The following CYP4F11 variants were observed in gnomAD, a reference collection of about 807,000 sequenced individuals.
The protein encoded by CYP4F11 is cytochrome P450 family 4 subfamily F member 11, also known as cytochrome P450 4F11.
A neutral mutation model predicts 62.2 loss-of-function variants in CYP4F11; 79 were observed. That is an observed-to-expected ratio of 1.27 (90% confidence interval 1.06 to 1.53). The LOEUF is 1.53. CYP4F11 is among the 40% of genes most tolerant of loss of function. The pLI is 0.00. For missense variants in CYP4F11, 777 were observed against 680.5 expected, an observed-to-expected ratio of 1.14 and a Z score of -1.58; for synonymous variants, 290 against 263.7, an observed-to-expected ratio of 1.10 and a Z score of -0.97.
chr19:15,915,239 G>C (rs2089574801), intron 8 of CYP4F11, among the ~76,000 whole-genome samples: 1 of 152,160 alleles, frequency 6.6e-6, no homozygotes, highest in African/African-American at 2.4e-5. Context: ...CAGATCCACT[G>C]TTTTGCTCTT....
At chr19:15,921,679 A>C (rs2089630332) in intron 8 of CYP4F11, among the ~76,000 whole-genome samples, 1 of 152,248 alleles carries the variant, frequency 6.6e-6, no homozygotes, top group Non-Finnish European at 1.5e-5. Context: ...CCTGGACTGT[A>C]CAACAGGATT....
chr19:15,920,736 C>T (rs756054838), intron 8 of CYP4F11, among the ~76,000 whole-genome samples: 2 of 152,130 alleles, frequency 1.3e-5, no homozygotes, highest in African/African-American at 2.4e-5. Context: ...AAAAGATTCT[C>T]CTGCTACCTG....
rs185285215 is a variant in CYP4F11, at chr19:15,918,399, T to G, written c.1116-3504A>C. ...CAAACCACTATGGCACACGTTTACCTATGTAACCAACCTGCATAGCCTGAA... is the reference window on the plus strand; with the variant it reads ...CAAACCACTATGGCACACGTTTACCGATGTAACCAACCTGCATAGCCTGAA... On this transcript the variant is annotated intron_variant, in intron 8 of 11. Coordinates refer to ENST00000402119, the MANE Select transcript of CYP4F11 (RefSeq NM_021187.4). Among the ~76,000 whole-genome samples the G allele has an allele frequency of 7.6e-4, 116 of 152,210 alleles. 1 individual carries two copies. The highest frequency in any genetic ancestry group is 3.4e-3 in the Middle Eastern group (1 of 294).
chr19:15,923,659 C>T (rs1190137325), intron 6 of CYP4F11, among the ~76,000 whole-genome samples, 153 bp downstream of exon 6: 1 of 152,174 alleles, frequency 6.6e-6, no homozygotes, highest in African/African-American at 2.4e-5. Flanking sequence ...AGCTGAATTC[C>T]ACAGAGTCAT....
chr19:15,931,315 AG>A (rs1406564466), intron 1 of CYP4F11, among the ~76,000 whole-genome samples: 3 of 151,846 alleles, frequency 2.0e-5, no homozygotes, highest in Non-Finnish European at 2.9e-5. Context: ...TGGGCCAGGC[AG>A]GGAGTAGTCC....
rs899425717 is a variant in CYP4F11 at position 15,927,712 on chromosome 19, C to A, written c.344-229G>T. Reference sequence around the variant, plus strand: ...CACAGCATGCCCCAGCACACAGTGACATATCTCCTACAAGGTCCAACATGT... The same window carrying A: ...CACAGCATGCCCCAGCACACAGTGAAATATCTCCTACAAGGTCCAACATGT... On this transcript the variant is annotated intron_variant, in intron 2 of 11. Transcript: ENST00000402119. 1.4e-5 allele frequency: 8 copies of A among 589,722 alleles called. No homozygotes were observed. In the African/African-American group the frequency reaches 1.5e-4, roughly 11 times the overall value. 36.5% of individuals were successfully genotyped at this position (589,722 alleles called of 1,614,324 possible). A position where few individuals can be genotyped will look rare whatever the true frequency, so the allele number is the denominator to read the frequency against.
rs766534390 is a variant in CYP4F11, at chr19:15,934,342, G to A, written c.67C>T (p.Leu23=). 1.9e-6 allele frequency: 3 copies of A among 1,613,422 alleles called. No homozygotes were observed. Among genetic ancestry groups the A allele is most frequent in the South Asian group, 1.1e-5 (1 of 91,048 alleles). Residue 23 remains leucine (L), a synonymous_variant, in exon 1 of 12, where the codon CTG becomes TTG. Transcript: ENST00000402119. ...PVAASPWLLL[L]LVGGSWLLAR... Reference sequence around the variant, plus strand: ...AGGAGCCAGGAGCCTCCAACCAGCAGCAGAAGCAGCCACGGGGATGCTGCC... The same window carrying A: ...AGGAGCCAGGAGCCTCCAACCAGCAACAGAAGCAGCCACGGGGATGCTGCC...
At position 15,913,821 on chromosome 19, in the gene CYP4F11, TG is replaced by T; in HGVS notation, c.1485del (p.His495GlnfsTer10). ...TLLHFRILPT[H>X]TEPRRKPELI... Reference sequence around the variant, plus strand: ...AGCTCGGGTTTCCTGCGGGGTTCAGTGTGGGTCGGCAGGATGCGGAAGTGCA... The same window carrying T: ...AGCTCGGGTTTCCTGCGGGGTTCAGTTGGGTCGGCAGGATGCGGAAGTGCA... On this transcript the variant is annotated frameshift_variant, in exon 12 of 12. Coordinates refer to ENST00000402119, the MANE Select transcript of CYP4F11 (RefSeq NM_021187.4). LOFTEE classifies it high-confidence loss of function. 1 of 1,614,068 alleles carries T rather than the reference TG, an allele frequency of 6.2e-7. No homozygotes were observed. The highest frequency in any genetic ancestry group is 8.5e-7 in the Non-Finnish European group (1 of 1,179,994).
intron 1 of CYP4F11, among the ~76,000 whole-genome samples, chr19:15,933,805 G>C (rs796433968): frequency 2.5e-5 from 1 of 39,514 alleles, no homozygotes; most frequent in African/African-American, 8.3e-5. Context: ...AGTGAGTGAG[G>C]AGAAGAATGA....
In CYP4F11 at chr19:15,914,913, C is replaced by T. The variant is rs1268492065; in HGVS notation, c.1116-18G>A. 1 of 1,612,524 alleles carries T rather than the reference C, an allele frequency of 6.2e-7. No homozygotes were observed. Among genetic ancestry groups the T allele is most frequent in the South Asian group, 1.1e-5 (1 of 90,818 alleles). ...GGTCGTCCCTAAGAAAACACCCCAG[C>T]CCCAATCATTATCAAGGGAACAAAG... is the stretch of plus-strand genomic sequence containing the variant. On this transcript the variant is annotated intron_variant, in intron 8 of 11. Coordinates refer to ENST00000402119, the MANE Select transcript of CYP4F11 (RefSeq NM_021187.4).
chr19:15,915,088 C>T (rs1285283462), intron 8 of CYP4F11, among the ~76,000 whole-genome samples, 193 bp from the exon 9 acceptor site: 6 of 151,892 alleles, frequency 4.0e-5, no homozygotes, highest in African/African-American at 1.2e-4. Context: ...AAAATGGTGC[C>T]GATTTTTTAA....
At position 15,914,699 on chromosome 19, in the gene CYP4F11, C is replaced by A. The variant is rs150118221; in HGVS notation, c.1250-33G>T. The A allele has an allele frequency of 6.3e-3, 10,193 of 1,613,840 alleles. 45 individuals carry two copies. The highest frequency in any genetic ancestry group is 7.7e-3 in the Non-Finnish European group (9,122 of 1,179,790). Reference sequence around the variant, plus strand: ...AGAGAAGAGGGCAGTCAGGACAAGGCCCCCCTGCCTGAGGGACCCCTCTTG... The same window carrying A: ...AGAGAAGAGGGCAGTCAGGACAAGGACCCCCTGCCTGAGGGACCCCTCTTG... On this transcript the variant is annotated intron_variant, in intron 9 of 11. Coordinates refer to ENST00000402119, the MANE Select transcript of CYP4F11 (RefSeq NM_021187.4).
chr19:15,916,491 C>T (rs1404261562), intron 8 of CYP4F11, among the ~76,000 whole-genome samples: 1 of 152,010 alleles, frequency 6.6e-6, no homozygotes, highest in Non-Finnish European at 1.5e-5. Flanking sequence ...AACAGGCAAC[C>T]CACATAGTGG....
intron 7 of CYP4F11, 54 bp downstream of exon 7, chr19:15,922,310 T>C: frequency 6.2e-7 from 1 of 1,609,746 alleles, no homozygotes; most frequent in East Asian, 2.2e-5. Flanking sequence ...CCCACTACGT[T>C]CCTGGGATGG....
intron 1 of CYP4F11, among the ~76,000 whole-genome samples, chr19:15,930,056 G>GCT (rs10645958): frequency 0.54 from 81,313 of 149,682 alleles, 22,107 homozygotes; most frequent in Non-Finnish European, 0.6. Context: ...TCTCTCTCAC[G>GCT]CTCTCTCTCT....
intron 8 of CYP4F11, among the ~76,000 whole-genome samples, chr19:15,919,014 G>A (rs973890961): frequency 2.7e-5 from 4 of 149,292 alleles, no homozygotes; most frequent in African/African-American, 9.9e-5. Context: ...AATAGCAAAG[G>A]GCAAAATACA....
rs527289688 is a variant in CYP4F11, at chr19:15,927,308, C to A, written c.429G>T (p.Lys143Asn). 6.2e-7 allele frequency: 1 copy of A among 1,614,172 alleles called. No individual in the cohort carries two copies. Among genetic ancestry groups the A allele is most frequent in the South Asian group, 1.1e-5 (1 of 91,072 alleles). The change falls in exon 4 of 12, where the codon AAG becomes AAT. Residue 143 changes from lysine (K) to asparagine (N), a missense_variant. Transcript: ENST00000402119. ...TCAACATCCGACGGTGGCGGCTCCA[C>A]TTGTCACCACCACTCAGCAGGAGCC... is the stretch of plus-strand genomic sequence containing the variant. ...GDGLLLSGGD[K>N]WSRHRRMLTP...
Position 15,922,655 on chromosome 19 carries a change from C to G in CYP4F11, c.919-225G>C, listed in dbSNP as rs977451369. On this transcript the variant is annotated intron_variant, in intron 6 of 11. Coordinates refer to ENST00000402119, the MANE Select transcript of CYP4F11 (RefSeq NM_021187.4). ...GGCCCTGCTGGGAAGAGTCAATGAC[C>G]TATGGATATTTTCTTGTTTCGAATA... 2.0e-5 allele frequency among the ~76,000 whole-genome samples: 3 copies of G among 152,254 alleles called. No homozygotes were observed. In the South Asian group the frequency reaches 6.2e-4, roughly 32 times the overall value.
At chr19:15,918,410 C>A (rs1397608818) in intron 8 of CYP4F11, among the ~76,000 whole-genome samples, 2 of 151,888 alleles carry the variant, frequency 1.3e-5, no homozygotes, top group Non-Finnish European at 2.9e-5. Context: ...ATGTAACCAA[C>A]CTGCATAGCC....
Sources: allele counts gnomAD v4.1 joint callset (sites outside exome capture counted in the v4.1 genomes callset), GRCh38; gene constraint gnomAD v4.1.1; transcripts MANE v1.5; gene names NCBI Gene and HGNC (gene_info 2026-07-23, HGNC 2026-07-21).